Variants in EFNA5 observed in about 807,000 individuals in gnomAD.
EFNA5 encodes ephrin A5.
EFNA5 carries 5 observed loss-of-function variants against 22.9 expected under a neutral mutation model. That is an observed-to-expected ratio of 0.22 (90% CI 0.11 to 0.46). The LOEUF is 0.46. Among genes scored for constraint, EFNA5 ranks in the 20% least tolerant of loss-of-function variants. EFNA5 has a pLI of 0.99. For synonymous variants in EFNA5, 113 were observed against 112.2 expected (o/e 1.01, Z -0.04); for missense variants, 237 against 293.3 (o/e 0.81, Z 1.40).
At chr5:107,537,460 G>A (rs1244373502) in intron 1 of EFNA5, among the ~76,000 whole-genome samples, 1 of 152,134 alleles carries the variant, frequency 6.6e-6, no homozygotes, top group East Asian at 1.9e-4. Context: ...TTAGCTGGGT[G>A]TGGTGGCGGC....
chr5:107,394,452 T>G lies in EFNA5; in HGVS notation c.419-6681A>C, dbSNP rs186266639. Among the ~76,000 whole-genome samples the G allele has an allele frequency of 5.9e-5, 9 of 152,310 alleles. No homozygotes were observed. In the East Asian group the frequency reaches 1.7e-3, roughly 29 times the overall value. The stretch of plus-strand genomic sequence containing the variant: ...AACCAGAATAAGAAAAGGGATGTGT[T>G]TCCCACCACATAACAAGAGGGATAG... On this transcript the variant is annotated intron_variant, in intron 2 of 4. Transcript: ENST00000333274.
intron 1 of EFNA5, among the ~76,000 whole-genome samples, chr5:107,567,565 C>A (rs1271978285): frequency 6.6e-6 from 1 of 152,188 alleles, no homozygotes; most frequent in Non-Finnish European, 1.5e-5. Context: ...CATCCACCCA[C>A]CCCTGCCCCA....
Position 107,425,778 on chromosome 5 carries a change from T to C in EFNA5, c.418+1439A>G, listed in dbSNP as rs1748795579. ...ATTGTGATGGTGAAATCTGACTTAT[T>C]ATAAAATTCTGTTTTCTGGAGAAGG... On this transcript the variant is annotated intron_variant, in intron 2 of 4. Coordinates refer to ENST00000333274, the MANE Select transcript of EFNA5 (RefSeq NM_001962.3). 2.0e-5 allele frequency among the ~76,000 whole-genome samples: 3 copies of C among 152,344 alleles called. No individual in the cohort carries two copies. The South Asian group carries it at 6.2e-4, about 32-fold the overall frequency.
chr5:107,633,730 GAGCA>G (rs1350474746), intron 1 of EFNA5, among the ~76,000 whole-genome samples: 1 of 152,194 alleles, frequency 6.6e-6, no homozygotes, highest in Non-Finnish European at 1.5e-5. Context: ...GGACAGCAGG[GAGCA>G]CATTCACCCA....
At chr5:107,573,016 G>A (rs544448973) in intron 1 of EFNA5, among the ~76,000 whole-genome samples, 3 of 152,130 alleles carry the variant, frequency 2.0e-5, no homozygotes, top group South Asian at 2.1e-4. Context: ...TCAGCTAGGC[G>A]CCATCCGTTA....
intron 1 of EFNA5, among the ~76,000 whole-genome samples, chr5:107,567,398 A>G (rs1159245050): frequency 6.6e-6 from 1 of 152,238 alleles, no homozygotes; most frequent in Admixed American, 6.5e-5. Context: ...ACTTACTTCA[A>G]TGACCTTGGG....
At chr5:107,617,095 T>G (rs564406951) in intron 1 of EFNA5, among the ~76,000 whole-genome samples, 1 of 152,126 alleles carries the variant, frequency 6.6e-6, no homozygotes, top group East Asian at 1.9e-4. Context: ...TATCTTCAGC[T>G]TTAACACAGA....
chr5:107,643,282 T>C (rs1356470819), intron 1 of EFNA5, among the ~76,000 whole-genome samples: 3 of 152,156 alleles, frequency 2.0e-5, no homozygotes, highest in South Asian at 4.1e-4. Context: ...GTATGGACTT[T>C]AGTGGTAGCA....
Position 107,670,490 on chromosome 5 carries a change from T to G in EFNA5, c.124A>C (p.Arg42=). 1.9e-6 allele frequency: 3 copies of G among 1,563,482 alleles called. No homozygotes were observed. Among genetic ancestry groups the G allele is most frequent in the Non-Finnish European group, 2.6e-6 (3 of 1,152,876 alleles). Residue 42 remains arginine (R), a splice_region_variant and synonymous_variant, in exon 1 of 5, where the codon AGA becomes CGA. Coordinates refer to ENST00000333274, the MANE Select transcript of EFNA5 (RefSeq NM_001962.3). ...YAVYWNSSNP[R]FQRGDYHIDV... Reference sequence around the variant, plus strand: ...GCTCTCCGCCTGTTATCGGCTTACCTGGGGTTGCTGCTGTTCCAGTAGACA... The same window carrying G: ...GCTCTCCGCCTGTTATCGGCTTACCGGGGGTTGCTGCTGTTCCAGTAGACA...
intron 1 of EFNA5, among the ~76,000 whole-genome samples, chr5:107,590,283 AC>A (rs1749289996): frequency 1.3e-5 from 2 of 152,178 alleles, no homozygotes; most frequent in African/African-American, 2.4e-5. Context: ...CCAAACAGCA[AC>A]CTGAGGAAGA....
In EFNA5 at chr5:107,427,498, C is replaced by A. The variant is rs534814016; in HGVS notation, c.137G>T (p.Gly46Val). 1 of 1,595,590 alleles carries A rather than the reference C, an allele frequency of 6.3e-7. No homozygotes were observed. Among genetic ancestry groups the A allele is most frequent in the Non-Finnish European group, 8.5e-7 (1 of 1,171,076 alleles). ...WNSSNPRFQR[G>V]DYHIDVCIND... ...GATACAGACATCAATATGGTAGTCA[C>A]CCCTCTGGAATCTGTTAGAAAAAGA... Residue 46 changes from glycine (G) to valine (V), a missense_variant, in exon 2 of 5, where the codon GGT becomes GTT. By Grantham distance (109) the Gly-to-Val change is moderately radical. Transcript: ENST00000333274.
chr5:107,393,591 C>A (rs943470968), intron 2 of EFNA5, among the ~76,000 whole-genome samples: 1 of 152,090 alleles, frequency 6.6e-6, no homozygotes, highest in Non-Finnish European at 1.5e-5. Flanking sequence ...TGTGGGGGAG[C>A]GTTAAAAATG....
chr5:107,638,434 A>G (rs959160409), intron 1 of EFNA5, among the ~76,000 whole-genome samples: 12 of 152,204 alleles, frequency 7.9e-5, no homozygotes, highest in East Asian at 5.8e-4. Flanking sequence ...ATTATACAAC[A>G]TGGTGGCTAC....
chr5:107,387,409 T>C, intron 3 of EFNA5, 94 bp from the exon 4 acceptor site: 1 of 832,636 alleles, frequency 1.2e-6, no homozygotes, highest in Non-Finnish European at 1.9e-6. Flanking sequence ...TTTTTTTCTT[T>C]TTTTATGTAG....
intron 1 of EFNA5, among the ~76,000 whole-genome samples, chr5:107,548,039 G>A (rs80231913): frequency 6.6e-6 from 1 of 152,070 alleles, no homozygotes; most frequent in African/African-American, 2.4e-5. Context: ...TAATTGTGAA[G>A]AATAAACTAC....
Position 107,558,861 on chromosome 5 carries a change from T to C in EFNA5, c.125+111628A>G, listed in dbSNP as rs187871537. Among the ~76,000 whole-genome samples the C allele has an allele frequency of 4.9e-3, 750 of 152,354 alleles. 10 individuals carry two copies. The highest frequency in any genetic ancestry group is 0.017 in the African/African-American group (705 of 41,576). Reference sequence around the variant, plus strand: ...TTACTTTCTAAATGGGAAATATTTATGGAGCAGAATCATCCAGGCTGAATC... The same window carrying C: ...TTACTTTCTAAATGGGAAATATTTACGGAGCAGAATCATCCAGGCTGAATC... On this transcript the variant is annotated intron_variant, in intron 1 of 4. Coordinates refer to ENST00000333274, the MANE Select transcript of EFNA5 (RefSeq NM_001962.3).
At chr5:107,590,675 G>C (rs149120276) in intron 1 of EFNA5, among the ~76,000 whole-genome samples, 3 of 152,174 alleles carry the variant, frequency 2.0e-5, no homozygotes, top group African/African-American at 4.8e-5. Context: ...TTACAGGAGT[G>C]AGCCACCACA....
intron 1 of EFNA5, among the ~76,000 whole-genome samples, chr5:107,598,093 A>C (rs182743885): frequency 5.4e-4 from 82 of 152,324 alleles, no homozygotes; most frequent in African/African-American, 1.9e-3. Flanking sequence ...TCATAAAGTA[A>C]TATATGTAGG....
chr5:107,637,671 T>C (rs1750406987), intron 1 of EFNA5, among the ~76,000 whole-genome samples: 1 of 148,994 alleles, frequency 6.7e-6, no homozygotes, highest in Non-Finnish European at 1.5e-5. Flanking sequence ...ACTGATTATA[T>C]ATATACTATA....
Sources: gnomAD v4.1 joint callset for allele counts (sites outside exome capture counted in the v4.1 genomes callset) on GRCh38, gnomAD v4.1.1 for gene constraint, MANE v1.5 for transcripts, NCBI Gene and HGNC (gene_info 2026-07-23, HGNC 2026-07-21) for gene names.